Variants in LAT2 observed in about 807,000 individuals in gnomAD.
LAT2 encodes linker for activation of T cells family member 2.
In LAT2, 23 loss-of-function variants were observed where a neutral mutation model predicts 43.4. That is an observed-to-expected ratio of 0.53 (90% CI 0.38 to 0.75). The LOEUF is 0.75. LAT2 is among the 30% of genes least tolerant of loss of function. The pLI is 0.00. For synonymous variants in LAT2, 128 were observed against 123.2 expected (o/e 1.04, Z -0.26); for missense variants, 284 against 310.2 (o/e 0.92, Z 0.64).
chr7:74,223,874 C>G (rs1007602513), intron 11 of LAT2, 91 bp downstream of exon 11: 1 of 1,489,088 alleles, frequency 6.7e-7, no homozygotes. Context: ...TCAAAGGCCG[C>G]CCCCACTTTG....
intron 3 of LAT2, among the ~76,000 whole-genome samples, chr7:74,216,328 C>T (rs1802045810): frequency 6.6e-6 from 1 of 152,108 alleles, no homozygotes; most frequent in South Asian, 2.1e-4. Flanking sequence ...CCTGTGGCAT[C>T]CACTTTTCTA....
chr7:74,224,905 A>G (rs1433497638), intron 13 of LAT2, 145 bp downstream of exon 13: 1 of 592,866 alleles, frequency 1.7e-6, no homozygotes, highest in East Asian at 3.1e-5. Flanking sequence ...GTGCTCCAAG[A>G]GGGCAGCTTG....
chr7:74,224,549 T>C (rs920551882), intron 12 of LAT2, 90 bp from the exon 13 acceptor site: 5 of 1,142,078 alleles, frequency 4.4e-6, no homozygotes, highest in Non-Finnish European at 6.4e-6. Flanking sequence ...GCGGGCTGTT[T>C]TGTGGAGTCT....
At position 74,216,918 on chromosome 7, in the gene LAT2, C is replaced by T. The variant is rs571342315; in HGVS notation, c.134+54C>T. On this transcript the variant is annotated intron_variant, in intron 4 of 13. Transcript: ENST00000460943. ...TGTATTCATGTGCCCTGGGCATGGACGTCCTCAAGGGAATTCCTAGCACCC... is the reference window on the plus strand; with the variant it reads ...TGTATTCATGTGCCCTGGGCATGGATGTCCTCAAGGGAATTCCTAGCACCC... The T allele has an allele frequency of 3.8e-5, 57 of 1,500,776 alleles. No homozygotes were observed. The East Asian group carries it at 4.1e-4, about 11-fold the overall frequency. The allele number at this position is 1,500,776 out of a possible 1,614,324, so 93.0% of individuals were successfully genotyped here. A position where few individuals can be genotyped will look rare whatever the true frequency, so the allele number is the denominator to read the frequency against.
intron 12 of LAT2, among the ~76,000 whole-genome samples, 178 bp downstream of exon 12, chr7:74,224,375 G>A (rs1178387276): frequency 6.6e-6 from 1 of 152,168 alleles, no homozygotes; most frequent in Non-Finnish European, 1.5e-5. Context: ...CTTGGCAGCC[G>A]CCCAGCCTCC....
chr7:74,224,844 CGA>C (rs1554715884), intron 13 of LAT2, 84 bp downstream of exon 13: 2 of 1,050,154 alleles, frequency 1.9e-6, no homozygotes, highest in Non-Finnish European at 2.7e-6. Flanking sequence ...AGGGAACAGC[CGA>C]GAGTGTGGGT....
At chr7:74,214,187 T>C (rs1284607556) in intron 1 of LAT2, among the ~76,000 whole-genome samples, 1 of 87,634 alleles carries the variant, frequency 1.1e-5, no homozygotes, top group Non-Finnish European at 2.0e-5. Flanking sequence ...AAAATATATA[T>C]AAATATATAT....
intron 13 of LAT2, among the ~76,000 whole-genome samples, chr7:74,228,552 G>A (rs1388981256): frequency 6.0e-5 from 9 of 150,332 alleles, no homozygotes; most frequent in African/African-American, 2.2e-4. Flanking sequence ...TTGGGAAGCC[G>A]AGGTGGGCGG....
intron 1 of LAT2, among the ~76,000 whole-genome samples, chr7:74,214,181 T>A (rs1267339995): frequency 2.0e-5 from 2 of 101,518 alleles, no homozygotes; most frequent in African/African-American, 4.4e-5. Flanking sequence ...TATATGAAAA[T>A]ATATATAAAT....
In LAT2 at chr7:74,220,098, G is replaced by T; in HGVS notation, c.227+90G>T. 1 of 1,566,196 alleles carries T rather than the reference G, an allele frequency of 6.4e-7. No homozygotes were observed. Among genetic ancestry groups the T allele is most frequent in the Non-Finnish European group, 8.7e-7 (1 of 1,147,202 alleles). Reference sequence around the variant, plus strand: ...CAGGTCAAGACCTCCCTCCCTCCCCGAGTCCCAGAGCTCCAGGGCTCAGCT... The same window carrying T: ...CAGGTCAAGACCTCCCTCCCTCCCCTAGTCCCAGAGCTCCAGGGCTCAGCT... On this transcript the variant is annotated intron_variant, in intron 6 of 13. Coordinates refer to ENST00000460943, the MANE Select transcript of LAT2 (RefSeq NM_032464.3). The surrounding 1 kb of genome is among the most constrained non-coding windows in gnomAD (Gnocchi z 4.5).
intron 1 of LAT2, among the ~76,000 whole-genome samples, chr7:74,214,164 AAATATATATATG>A (rs1801865012): frequency 1.3e-5 from 1 of 76,554 alleles, no homozygotes; most frequent in East Asian, 3.0e-4. Context: ...ATATATATGA[AAATATATATATG>A]AAAATATATA....
At chr7:74,217,679 A>G (rs1554714470) in intron 4 of LAT2, among the ~76,000 whole-genome samples, 1 of 152,132 alleles carries the variant, frequency 6.6e-6, no homozygotes, top group East Asian at 1.9e-4. Context: ...AGACCCAGGG[A>G]AGGGCAGTGG....
chr7:74,226,561 G>T, intron 13 of LAT2: 1 of 154,796 alleles, frequency 6.5e-6, no homozygotes, highest in Non-Finnish European at 1.4e-5. Flanking sequence ...GGGAGGCTGA[G>T]GCAGGAGGAT....
chr7:74,214,417 A>T (rs1177582460), intron 1 of LAT2, among the ~76,000 whole-genome samples: 1 of 56,668 alleles, frequency 1.8e-5, no homozygotes, highest in African/African-American at 6.3e-5. Flanking sequence ...TATATATATA[A>T]ATATATATAT....
rs782716939 is a variant in LAT2 at position 74,215,930 on chromosome 7, G to C, written c.-29-17G>C. 1.3e-6 allele frequency: 2 copies of C among 1,577,756 alleles called. No individual in the cohort carries two copies. Among genetic ancestry groups the C allele is most frequent in the South Asian group, 2.2e-5 (2 of 90,344 alleles). ...CTGAAAAAGGGGCCCCTTGCTCACG[G>C]GCACCTCCCATTTCAGCATCACAAG... On this transcript the variant is annotated splice_polypyrimidine_tract_variant and intron_variant, in intron 2 of 13. Coordinates refer to ENST00000460943, the MANE Select transcript of LAT2 (RefSeq NM_032464.3).
chr7:74,215,923 G>T, intron 2 of LAT2, 24 bp from the exon 3 acceptor site: 1 of 1,549,960 alleles, frequency 6.5e-7, no homozygotes, highest in Admixed American at 1.7e-5. Flanking sequence ...GGGGCCCCTT[G>T]CTCACGGGCA....
rs370019063 is a variant in LAT2 at position 74,220,699 on chromosome 7, C to T, written c.302-5C>T. 4.1e-5 allele frequency: 66 copies of T among 1,608,804 alleles called. No homozygotes were observed. The highest frequency in any genetic ancestry group is 4.9e-5 in the Non-Finnish European group (58 of 1,175,946). ...CTCAGGCCCAATTCTCGCCTCCTCC[C>T]GCAGGAAGCAGACACGGGTCGGAGG... On this transcript the variant is annotated splice_polypyrimidine_tract_variant and splice_region_variant and intron_variant, in intron 8 of 13. Coordinates refer to ENST00000460943, the MANE Select transcript of LAT2 (RefSeq NM_032464.3). The surrounding 1 kb of genome is among the most constrained non-coding windows in gnomAD (Gnocchi z 4.5).
intron 1 of LAT2, among the ~76,000 whole-genome samples, chr7:74,210,773 C>T (rs1186765577): frequency 3.3e-5 from 5 of 152,096 alleles, no homozygotes; most frequent in Non-Finnish European, 5.9e-5. Flanking sequence ...CATAGTGAGA[C>T]TCCCATCTCT....
intron 2 of LAT2, chr7:74,215,387 G>A (rs1033785182): frequency 8.4e-5 from 13 of 155,018 alleles, no homozygotes; most frequent in South Asian, 3.9e-4. Context: ...GGGGTCCTGC[G>A]AAGCATAGAG....
Sources: gnomAD v4.1 joint callset for allele counts (sites outside exome capture counted in the v4.1 genomes callset) on GRCh38, gnomAD v4.1.1 for gene constraint, Gnocchi (gnomAD v3.1) non-coding constraint, MANE v1.5 for transcripts, NCBI Gene and HGNC (gene_info 2026-07-23, HGNC 2026-07-21) for gene names.